The following QPCT variants were observed in gnomAD, a reference collection of about 807,000 sequenced individuals.
QPCT encodes glutaminyl-peptide cyclotransferase.
QPCT carries 44 observed loss-of-function variants against 43.4 expected under a neutral mutation model. The ratio of observed to expected loss-of-function variants is 1.01; its 90% confidence interval spans 0.80 to 1.30. The LOEUF (loss-of-function observed/expected upper bound fraction) is 1.30. QPCT is among the 50% of genes most tolerant of loss of function. The probability of loss-of-function intolerance (pLI) is 0.00; values close to 1 mark genes in which losing one functional copy is unlikely to be tolerated. For synonymous variants in QPCT, 168 were observed against 168.4 expected, an observed-to-expected ratio of 1.00 and a Z score of 0.02; for missense variants, 526 against 436.5, an observed-to-expected ratio of 1.21 and a Z score of -1.83.
chr2:37,361,436 C>T (rs976887858), intron 3 of QPCT, among the ~76,000 whole-genome samples: 4 of 152,226 alleles, frequency 2.6e-5, no homozygotes, highest in Admixed American at 2.0e-4. Context: ...GTTGTACTTC[C>T]TCATCCCTTC....
In QPCT at chr2:37,359,792, A is replaced by G. The variant is rs1273101375; in HGVS notation, c.480A>G (p.Ser160=). 1.2e-6 allele frequency: 2 copies of G among 1,614,216 alleles called. No individual in the cohort carries two copies. The highest frequency in any genetic ancestry group is 1.1e-5 in the South Asian group (1 of 91,084). ...GAGTGTTTGTAGGAGCCACTGATTC[A>G]GCCGTGCCATGTGCAATGATGTTGG... The part of the protein sequence containing the change: ...NNRVFVGATD[S]AVPCAMMLEL... The change falls in exon 3 of 7, where the codon TCA becomes TCG. Residue 160 remains serine, a synonymous_variant. Transcript: ENST00000338415.
At chr2:37,347,245 T>TATATATATAACATATATATATATAA (rs1342216739) in intron 1 of QPCT, among the ~76,000 whole-genome samples, 4 of 108,112 alleles carry the variant, frequency 3.7e-5, no homozygotes, top group African/African-American at 1.5e-4. Flanking sequence ...TATATATATA[T>TATATATATAACATATATATATATAA]AACATATATA....
At chr2:37,356,969 T>C (rs1672761178) in intron 2 of QPCT, among the ~76,000 whole-genome samples, 1 of 148,570 alleles carries the variant, frequency 6.7e-6, no homozygotes, top group Non-Finnish European at 1.5e-5. Context: ...ATTGTGCCAC[T>C]GCACTCCAGC....
intron 3 of QPCT, among the ~76,000 whole-genome samples, chr2:37,362,254 T>A (rs575407032): frequency 4.6e-5 from 7 of 152,356 alleles, no homozygotes; most frequent in Admixed American, 2.0e-4. Context: ...CCTCTTGTTC[T>A]GCGATTATGT....
At chr2:37,358,108 G>GA (rs553371602) in intron 2 of QPCT, among the ~76,000 whole-genome samples, 2,937 of 109,866 alleles carry the variant, frequency 0.027, 90 homozygotes, top group African/African-American at 0.1. Flanking sequence ...TATGATACTT[G>GA]AAAAAAAAAA....
intron 1 of QPCT, among the ~76,000 whole-genome samples, chr2:37,347,235 T>TATATATAACATATATATATAAC (rs1672523911): frequency 2.3e-5 from 2 of 85,710 alleles, no homozygotes; most frequent in East Asian, 3.8e-4. Context: ...ATATAACATA[T>TATATATAACATATATATATAAC]ATATATATAT....
At chr2:37,354,733 A>G (rs143842893) in intron 2 of QPCT, among the ~76,000 whole-genome samples, 29 of 152,346 alleles carry the variant, frequency 1.9e-4, no homozygotes, top group African/African-American at 7.0e-4. Context: ...AAAGAAGGCC[A>G]GGGCATTTAA....
intron 3 of QPCT, among the ~76,000 whole-genome samples, chr2:37,366,777 T>C (rs1672971912): frequency 6.6e-6 from 1 of 152,100 alleles, no homozygotes; most frequent in South Asian, 2.1e-4. Flanking sequence ...TCTGGAGATA[T>C]GATGGCTCTT....
intron 1 of QPCT, among the ~76,000 whole-genome samples, chr2:37,350,743 C>T (rs1184234961): frequency 2.6e-5 from 4 of 152,222 alleles, no homozygotes; most frequent in Non-Finnish European, 5.9e-5. Flanking sequence ...TAGAGCATCT[C>T]TAAGTGGCTT....
chr2:37,372,939 GATCATCCTATTCTT>G lies in QPCT; in HGVS notation c.*115_*128del, dbSNP rs1172608101. On this transcript the variant is annotated 3_prime_UTR_variant, in exon 7 of 7. Coordinates refer to ENST00000338415, the MANE Select transcript of QPCT (RefSeq NM_012413.4). ...GCTGTGTGGAAACATCTATCCTATAGATCATCCTATTCTTATGTGTCTTTGGTTATCAGATCAAT... is the reference window on the plus strand; with the variant it reads ...GCTGTGTGGAAACATCTATCCTATAGATGTGTCTTTGGTTATCAGATCAAT... 9 of 912,480 alleles carry G rather than the reference GATCATCCTATTCTT, an allele frequency of 9.9e-6. No homozygotes were observed. The East Asian group carries it at 2.4e-4, about 25-fold the overall frequency. 56.5% of individuals were successfully genotyped at this position (912,480 alleles called of 1,614,324 possible). A position where few individuals can be genotyped will look rare whatever the true frequency, so the allele number is the denominator to read the frequency against.
chr2:37,351,737 CT>C (rs1672629420), intron 1 of QPCT, among the ~76,000 whole-genome samples: 1 of 152,120 alleles, frequency 6.6e-6, no homozygotes, highest in Non-Finnish European at 1.5e-5. Flanking sequence ...CAAAAATTAG[CT>C]GGGCATGGTG....
At chr2:37,353,771 C>T (rs1244974936) in intron 2 of QPCT, among the ~76,000 whole-genome samples, 3 of 152,190 alleles carry the variant, frequency 2.0e-5, no homozygotes, top group East Asian at 1.9e-4. Flanking sequence ...ATGGGACTGG[C>T]CCTTCACATC....
In QPCT at chr2:37,369,793, C is replaced by A. The variant is rs1453260151; in HGVS notation, c.823+9C>A. The A allele has an allele frequency of 1.3e-6, 2 of 1,538,262 alleles. No individual in the cohort carries two copies. The highest frequency in any genetic ancestry group is 1.8e-6 in the Non-Finnish European group (2 of 1,111,140). On this transcript the variant is annotated intron_variant, in intron 5 of 6. Transcript: ENST00000338415. ...AAGACTTCAAGCAATTGGTAAGCAC[C>A]ACTGTTATTAATGAATAAAACATCA...
Position 37,360,193 on chromosome 2 carries a change from TTTC to T in QPCT, c.546+344_546+346del, listed in dbSNP as rs368820090. The T allele has an allele frequency of 3.9e-4, 105 of 269,962 alleles. 1 individual carries two copies. In the East Asian group the frequency reaches 5.9e-3, roughly 15 times the overall value. The allele number at this position is 269,962 out of a possible 1,614,324, so 16.7% of individuals were successfully genotyped here. ...TGTGTTTTATAATGAACTATGTTTA[TTTC>T]TTCTTCTTTCTATGGCCATGAAACA... On this transcript the variant is annotated intron_variant, in intron 3 of 6. Coordinates refer to ENST00000338415, the MANE Select transcript of QPCT (RefSeq NM_012413.4).
chr2:37,351,109 A>G (rs1245939400), intron 1 of QPCT, among the ~76,000 whole-genome samples: 1 of 152,216 alleles, frequency 6.6e-6, no homozygotes, highest in Non-Finnish European at 1.5e-5. Flanking sequence ...GCATTCTTTG[A>G]AGTCCAGTTT....
chr2:37,349,424 A>AG (rs1176322567), intron 1 of QPCT, among the ~76,000 whole-genome samples: 1 of 152,074 alleles, frequency 6.6e-6, no homozygotes, highest in Non-Finnish European at 1.5e-5. Flanking sequence ...TGCTTGGGGG[A>AG]GGGGGCATTT....
At chr2:37,360,061 C>A in intron 3 of QPCT, 1 of 576,144 alleles carries the variant, frequency 1.7e-6, no homozygotes, top group East Asian at 3.0e-5. Context: ...ACAATGCATT[C>A]ATTAATTGGC....
At chr2:37,344,925 C>T (rs979930280) in intron 1 of QPCT, 74 bp downstream of exon 1, 16 of 1,463,030 alleles carry the variant, frequency 1.1e-5, no homozygotes, top group Non-Finnish European at 1.4e-5. Flanking sequence ...CGGGTCAGCC[C>T]TACCTAGGCA....
intron 4 of QPCT, among the ~76,000 whole-genome samples, chr2:37,368,002 C>A (rs569119278): frequency 1.1e-4 from 16 of 152,236 alleles, no homozygotes; most frequent in Middle Eastern, 3.4e-3. Context: ...GCACATTCCC[C>A]CAGTACTGTA....
Sources: allele counts gnomAD v4.1 joint callset (sites outside exome capture counted in the v4.1 genomes callset), GRCh38; gene constraint gnomAD v4.1.1; transcripts MANE v1.5; gene names NCBI Gene and HGNC (gene_info 2026-07-23, HGNC 2026-07-21).